ADIPOR2: variants seen among roughly 807,000 people sequenced by gnomAD.
The protein encoded by ADIPOR2 is adiponectin receptor protein 2.
A neutral mutation model predicts 40.9 loss-of-function variants in ADIPOR2; 18 were observed. The ratio of observed to expected loss-of-function variants is 0.44; its 90% CI spans 0.30 to 0.65. The LOEUF (loss-of-function observed/expected upper bound fraction) is 0.65, where lower values mean the gene tolerates loss of function less well. Ranked by LOEUF, ADIPOR2 falls within the 30% of genes least tolerant of loss-of-function variation. The probability of loss-of-function intolerance (pLI) is 0.09; values close to 1 mark genes in which losing one functional copy is unlikely to be tolerated. For missense variants in ADIPOR2, 283 were observed against 479.2 expected (o/e 0.59, Z 3.82); for synonymous variants, 165 against 166.4 (o/e 0.99, Z 0.06).
intron 1 of ADIPOR2, among the ~76,000 whole-genome samples, chr12:1,724,362 C>T (rs920260271): frequency 6.6e-6 from 1 of 152,136 alleles, no homozygotes; most frequent in Non-Finnish European, 1.5e-5. Flanking sequence ...GAACAATACA[C>T]TAAGTGAAAC....
intron 2 of ADIPOR2, chr12:1,757,175 A>T (rs1023598196): frequency 9.4e-6 from 3 of 319,148 alleles, no homozygotes; most frequent in African/African-American, 6.4e-5. Context: ...TCTGTTTATC[A>T]TGCTACATTA....
intron 1 of ADIPOR2, among the ~76,000 whole-genome samples, chr12:1,735,410 T>G (rs190391822): frequency 4.6e-5 from 7 of 152,168 alleles, no homozygotes; most frequent in African/African-American, 9.6e-5. Context: ...TGTTATTGGT[T>G]TATAAGAATG....
At chr12:1,728,294 G>C (rs1332963869) in intron 1 of ADIPOR2, among the ~76,000 whole-genome samples, 1 of 151,572 alleles carries the variant, frequency 6.6e-6, no homozygotes, top group African/African-American at 2.4e-5. Flanking sequence ...TGTATTTTTA[G>C]TAGAGATGGG....
chr12:1,713,867 C>T (rs560449330), intron 1 of ADIPOR2, among the ~76,000 whole-genome samples: 1 of 152,198 alleles, frequency 6.6e-6, no homozygotes, highest in South Asian at 2.1e-4. Context: ...ACCTTGAGGA[C>T]AGCCGTCTGG....
chr12:1,757,214 G>A (rs368007537), intron 2 of ADIPOR2: 11 of 468,600 alleles, frequency 2.3e-5, no homozygotes, highest in African/African-American at 2.0e-4. Flanking sequence ...GATCTAACAT[G>A]TCACCCAGGG....
chr12:1,754,320 T>A lies in ADIPOR2; in HGVS notation c.-24T>A. 1 of 1,565,110 alleles carries A rather than the reference T, an allele frequency of 6.4e-7. No individual in the cohort carries two copies. The highest frequency in any genetic ancestry group is 1.4e-5 in the African/African-American group (1 of 73,012). ...AGAGGGGACAGAAAGACAGATCTAT[T>A]TGTAAGAAAGGCTTGGGTATCCCAT... On this transcript the variant is annotated 5_prime_UTR_variant, in exon 2 of 8. In the 5' UTR this introduces an upstream ATG that the reference lacks. Coordinates refer to ENST00000357103, the MANE Select transcript of ADIPOR2 (RefSeq NM_024551.3).
rs552711963 is a variant in ADIPOR2, at chr12:1,743,229, C to CAAAAAAAAAAA, written c.-86-11022_-86-11012dup. ...CAGCATGGTGAAACCCCATCTCTAC[C>CAAAAAAAAAAA]AAAAAAAAAAAAAAAAACAAAGCAG... On this transcript the variant is annotated intron_variant, in intron 1 of 7. Coordinates refer to ENST00000357103, the MANE Select transcript of ADIPOR2 (RefSeq NM_024551.3). 4.8e-3 allele frequency among the ~76,000 whole-genome samples: 262 copies of CAAAAAAAAAAA among 55,138 alleles called. 5 individuals are homozygous for CAAAAAAAAAAA. Among genetic ancestry groups the CAAAAAAAAAAA allele is most frequent in the East Asian group, 0.018 (33 of 1,884 alleles). 36.2% of individuals were successfully genotyped at this position (55,138 alleles called of 152,430 possible).
chr12:1,773,109 T>A, intron 3 of ADIPOR2, 148 bp downstream of exon 3: 1 of 998,852 alleles, frequency 1.0e-6, no homozygotes, highest in Non-Finnish European at 1.4e-6. Flanking sequence ...CTTGGGACTC[T>A]AATCCTGTTG....
chr12:1,733,605 TA>T (rs1420574768), intron 1 of ADIPOR2, among the ~76,000 whole-genome samples: 1 of 152,064 alleles, frequency 6.6e-6, no homozygotes, highest in East Asian at 1.9e-4. Flanking sequence ...CATGTGTTCT[TA>T]TTTATTTATT....
At chr12:1,731,733 G>A (rs556578128) in intron 1 of ADIPOR2, among the ~76,000 whole-genome samples, 7 of 152,338 alleles carry the variant, frequency 4.6e-5, no homozygotes, top group African/African-American at 1.4e-4. Context: ...GCCGAGCTGG[G>A]CAGATCACCT....
At chr12:1,737,195 G>A (rs1430267053) in intron 1 of ADIPOR2, among the ~76,000 whole-genome samples, 1 of 152,202 alleles carries the variant, frequency 6.6e-6, no homozygotes, top group Non-Finnish European at 1.5e-5. Context: ...AATTATTGCT[G>A]TTTGAAATTG....
At chr12:1,763,473 G>A (rs1401568121) in intron 2 of ADIPOR2, among the ~76,000 whole-genome samples, 1 of 152,190 alleles carries the variant, frequency 6.6e-6, no homozygotes, top group Non-Finnish European at 1.5e-5. Flanking sequence ...CTGGTACAGA[G>A]AAAGCACTTA....
At chr12:1,778,598 A>G (rs1272754963) in intron 4 of ADIPOR2, 1 of 152,214 alleles carries the variant, frequency 6.6e-6, no homozygotes, top group Non-Finnish European at 1.5e-5. Flanking sequence ...CAAAAACTAT[A>G]AAATCCTTAG....
At chr12:1,707,065 G>A (rs2094664798) in intron 1 of ADIPOR2, among the ~76,000 whole-genome samples, 1 of 152,190 alleles carries the variant, frequency 6.6e-6, no homozygotes. Context: ...CACTCCGCAT[G>A]TTTTTGAGAG....
chr12:1,707,913 G>T (rs1308559088), intron 1 of ADIPOR2, among the ~76,000 whole-genome samples: 4 of 152,070 alleles, frequency 2.6e-5, no homozygotes, highest in African/African-American at 9.7e-5. Context: ...TGAGTTACAA[G>T]TTCTTTATAT....
At chr12:1,785,707 G>T (rs1862815494) in intron 7 of ADIPOR2, among the ~76,000 whole-genome samples, 2 of 152,162 alleles carry the variant, frequency 1.3e-5, no homozygotes, top group South Asian at 4.1e-4. Flanking sequence ...ATTTTTATGT[G>T]TAGAGCTTAG....
At chr12:1,720,391 AT>A (rs1294373186) in intron 1 of ADIPOR2, among the ~76,000 whole-genome samples, 1 of 152,160 alleles carries the variant, frequency 6.6e-6, no homozygotes, top group African/African-American at 2.4e-5. Flanking sequence ...CATTACATTT[AT>A]TGTGCACTTT....
chr12:1,758,708 A>G (rs1862202563), intron 2 of ADIPOR2, among the ~76,000 whole-genome samples: 1 of 150,402 alleles, frequency 6.6e-6, no homozygotes. Context: ...GAGGAGTTCC[A>G]TATGCTGATT....
chr12:1,780,313 G>C (rs753664534), intron 4 of ADIPOR2, 138 bp from the exon 5 acceptor site: 4 of 942,640 alleles, frequency 4.2e-6, no homozygotes, highest in Non-Finnish European at 5.9e-6. Context: ...ATAGGCTTCA[G>C]TTATTTGGAA....
Sources: allele counts gnomAD v4.1 joint callset (sites outside exome capture counted in the v4.1 genomes callset), GRCh38; gene constraint gnomAD v4.1.1; transcripts MANE v1.5; gene names NCBI Gene and HGNC (gene_info 2026-07-23, HGNC 2026-07-21).